The following TXNDC11 variants were observed in gnomAD, a reference collection of about 807,000 sequenced individuals.
TXNDC11 encodes thioredoxin domain containing 11, also known as thioredoxin domain-containing protein 11.
In TXNDC11, 68 loss-of-function variants were observed where a neutral mutation model predicts 78.0. That is an observed-to-expected ratio of 0.87 (90% confidence interval 0.72 to 1.07). The LOEUF is 1.07. Ranked by LOEUF, TXNDC11 falls within the 50% of genes least tolerant of loss-of-function variation. The pLI, the probability that TXNDC11 is intolerant of heterozygous loss-of-function variation, is 0.00. For synonymous variants in TXNDC11, 571 were observed against 495.2 expected (o/e 1.15, Z -2.03); for missense variants, 1,389 against 1,221.8 (o/e 1.14, Z -2.04).
At position 11,691,828 on chromosome 16, in the gene TXNDC11, C is replaced by T; in HGVS notation, c.1362G>A (p.Lys454=). 6.2e-7 allele frequency: 1 copy of T among 1,614,274 alleles called. No individual in the cohort carries two copies. The highest frequency in any genetic ancestry group is 2.2e-5 in the East Asian group (1 of 44,896). Residue 454 remains lysine (K), a synonymous_variant, in exon 8 of 12, where the codon AAG becomes AAA. Transcript: ENST00000283033. ...ACTGTGGCACGCTGACCGAGCTCGGCTTCATGCCCCCGGAGGTCTGGTTGA... is the reference window on the plus strand; with the variant it reads ...ACTGTGGCACGCTGACCGAGCTCGGTTTCATGCCCCCGGAGGTCTGGTTGA... ...LCVNQTSGGM[K]PSSVSVPQCS... is the part of the protein sequence containing the mutation.
intron 5 of TXNDC11, among the ~76,000 whole-genome samples, chr16:11,713,297 A>G (rs1237668386): frequency 6.6e-6 from 1 of 150,528 alleles, no homozygotes; most frequent in Non-Finnish European, 1.5e-5. Flanking sequence ...AAAAAAAAAG[A>G]AAAGAAATCA....
chr16:11,742,399 G>A (rs372434363), intron 1 of TXNDC11, 78 bp downstream of exon 1: 5 of 1,202,508 alleles, frequency 4.2e-6, no homozygotes, highest in South Asian at 2.1e-5. Context: ...TGAGGCCGCT[G>A]CGACCCGGCC....
intron 2 of TXNDC11, among the ~76,000 whole-genome samples, chr16:11,735,237 C>T (rs1162020126): frequency 1.3e-5 from 2 of 152,118 alleles, no homozygotes; most frequent in African/African-American, 4.8e-5. Context: ...GGTAAGTCAC[C>T]AACATATCAC....
chr16:11,684,203 G>C lies in TXNDC11; in HGVS notation c.2196C>G (p.Val732=). The C allele has an allele frequency of 1.2e-6, 2 of 1,613,720 alleles. No homozygotes were observed. Among genetic ancestry groups the C allele is most frequent in the South Asian group, 1.1e-5 (1 of 91,016 alleles). The change falls in exon 11 of 12, where the codon GTC becomes GTG. Residue 732 remains valine, a synonymous_variant. Transcript: ENST00000283033. The part of the protein sequence containing the change: ...SQNDLPWEFM[V]DRLPTVLFFP... Reference sequence around the variant, plus strand: ...AAAACAAGACAGTAGGAAGACGATCGACCATAAATTCCCAAGGAAGGTCAT... The same window carrying C: ...AAAACAAGACAGTAGGAAGACGATCCACCATAAATTCCCAAGGAAGGTCAT...
chr16:11,715,710 A>G (rs1319206763), intron 5 of TXNDC11, among the ~76,000 whole-genome samples: 1 of 152,192 alleles, frequency 6.6e-6, no homozygotes. Flanking sequence ...TATTATCTGA[A>G]AAATTAGCTC....
chr16:11,709,714 C>T (rs1300031894), intron 5 of TXNDC11, among the ~76,000 whole-genome samples: 1 of 151,966 alleles, frequency 6.6e-6, no homozygotes, highest in Non-Finnish European at 1.5e-5. Context: ...GGATTACAGG[C>T]GTGAGCCACC....
At chr16:11,694,983 G>C (rs918187682) in intron 7 of TXNDC11, among the ~76,000 whole-genome samples, 1 of 152,240 alleles carries the variant, frequency 6.6e-6, no homozygotes, top group Non-Finnish European at 1.5e-5. Flanking sequence ...CTGTGAGCCT[G>C]AACATGCTAA....
At chr16:11,682,420 G>A (rs1019815218) in intron 11 of TXNDC11, among the ~76,000 whole-genome samples, 9 of 152,218 alleles carry the variant, frequency 5.9e-5, no homozygotes, top group South Asian at 2.1e-4. Flanking sequence ...GCATGGGGCC[G>A]GAGAAATGCG....
intron 2 of TXNDC11, 112 bp downstream of exon 2, chr16:11,735,904 TG>T: frequency 2.1e-6 from 2 of 955,088 alleles, no homozygotes; most frequent in Non-Finnish European, 3.3e-6. Flanking sequence ...AAACGACTCC[TG>T]GAGTTCACCT....
chr16:11,689,794 A>T lies in TXNDC11; in HGVS notation c.1901-1349T>A, dbSNP rs571104740. On this transcript the variant is annotated intron_variant, in intron 8 of 11. Transcript: ENST00000283033. ...TTTCTCTGGAGTCTCTTTCCCATTT[A>T]AAAAAAAAATGCTTGTTTCATTTTA... Among the ~76,000 whole-genome samples the T allele has an allele frequency of 3.5e-3, 520 of 150,108 alleles. 4 individuals are homozygous for T. The highest frequency in any genetic ancestry group is 0.012 in the African/African-American group (488 of 41,002).
chr16:11,742,057 T>G, intron 1 of TXNDC11: 1 of 173,762 alleles, frequency 5.8e-6, no homozygotes, highest in East Asian at 1.6e-4. Context: ...GTTAGATCAA[T>G]GAGTGCGGGA....
At chr16:11,697,459 C>T (rs960776672) in intron 7 of TXNDC11, among the ~76,000 whole-genome samples, 1 of 152,184 alleles carries the variant, frequency 6.6e-6, no homozygotes, top group East Asian at 1.9e-4. Context: ...GCTGTCTCTC[C>T]AGGCTCGCTC....
At chr16:11,739,481 T>C (rs1343935407) in intron 1 of TXNDC11, among the ~76,000 whole-genome samples, 1 of 151,956 alleles carries the variant, frequency 6.6e-6, no homozygotes, top group African/African-American at 2.4e-5. Flanking sequence ...CAGCATGCCA[T>C]AATTGCACCT....
At position 11,687,844 on chromosome 16, in the gene TXNDC11, G is replaced by A. The variant is rs765438961; in HGVS notation, c.2153+13C>T. On this transcript the variant is annotated intron_variant, in intron 10 of 11. Coordinates refer to ENST00000283033, the MANE Select transcript of TXNDC11 (RefSeq NM_015914.7). ...GCATACAGCCCAAAGCGCTGCAGAA[G>A]AGGCCTGCTTACCTTGCCACAGTGA... 2 of 1,582,014 alleles carry A rather than the reference G, an allele frequency of 1.3e-6. No homozygotes were observed. The highest frequency in any genetic ancestry group is 2.2e-5 in the South Asian group (2 of 90,146).
intron 1 of TXNDC11, among the ~76,000 whole-genome samples, chr16:11,738,127 T>C (rs1286496521): frequency 6.6e-6 from 1 of 152,166 alleles, no homozygotes; most frequent in African/African-American, 2.4e-5. Context: ...CAAAACCTAT[T>C]CATATGTACT....
rs553908701 is a variant in TXNDC11 at position 11,700,596 on chromosome 16, A to G, written c.794-32T>C. The G allele has an allele frequency of 5.3e-6, 6 of 1,135,944 alleles. No individual in the cohort carries two copies. In the East Asian group the frequency reaches 1.4e-4, roughly 27 times the overall value. 70.4% of individuals were successfully genotyped at this position (1,135,944 alleles called of 1,614,324 possible). On this transcript the variant is annotated intron_variant, in intron 5 of 11. Transcript: ENST00000283033. Reference sequence around the variant, plus strand: ...CAGAAAATTTTCCTTTATTAAAGAAAAGGCCTGTGCCTTAAAACAACCACA... The same window carrying G: ...CAGAAAATTTTCCTTTATTAAAGAAGAGGCCTGTGCCTTAAAACAACCACA...
intron 10 of TXNDC11, among the ~76,000 whole-genome samples, chr16:11,685,715 C>T (rs116325691): frequency 0.01 from 1,581 of 152,142 alleles, 23 homozygotes; most frequent in African/African-American, 0.036. Flanking sequence ...AAACCATTTA[C>T]CAAAAGTTTA....
At position 11,691,371 on chromosome 16, in the gene TXNDC11, C is replaced by A; in HGVS notation, c.1819G>T (p.Glu607Ter). ...TTCACGTCAACAATTGCCGCAAATT[C>A]TTTCACCTGAGTGGAGCTCGGAGCA... is the stretch of plus-strand genomic sequence containing the variant. ...LGAPSSTQVK[E>*]FAAIVDVKEE... Residue 607 changes from glutamate to a stop codon, truncating the protein, a stop_gained, in exon 8 of 12, where the codon GAA becomes TAA. Transcript: ENST00000283033. LOFTEE classifies it high-confidence loss of function. 1.2e-6 allele frequency: 2 copies of A among 1,614,242 alleles called. No individual in the cohort carries two copies. The highest frequency in any genetic ancestry group is 2.2e-5 in the South Asian group (2 of 91,084).
chr16:11,721,726 G>T, intron 4 of TXNDC11, 56 bp from the exon 5 acceptor site: 2 of 970,078 alleles, frequency 2.1e-6, no homozygotes, highest in Non-Finnish European at 3.2e-6. Context: ...ACAGTGTAAT[G>T]GAGGATATTT....
Sources: allele counts gnomAD v4.1 joint callset (sites outside exome capture counted in the v4.1 genomes callset), GRCh38; gene constraint gnomAD v4.1.1; transcripts MANE v1.5; gene names NCBI Gene and HGNC (gene_info 2026-07-23, HGNC 2026-07-21).